LAP3: variants seen among roughly 807,000 people sequenced by gnomAD.
The protein encoded by LAP3 is cytosol aminopeptidase.
LAP3 carries 46 observed loss-of-function variants against 58.8 expected under a neutral mutation model. The observed-to-expected ratio is 0.78, with a 90% CI of 0.62 to 1.00. The LOEUF (loss-of-function observed/expected upper bound fraction) is 1.00. Ranked by LOEUF, LAP3 falls within the 50% of genes least tolerant of loss-of-function variation. The pLI is 0.00. For missense variants in LAP3, 615 were observed against 659.1 expected (o/e 0.93, Z 0.73); for synonymous variants, 257 against 237.7 (o/e 1.08, Z -0.75).
intron 9 of LAP3, among the ~76,000 whole-genome samples, chr4:17,597,388 C>T (rs1475831375): frequency 6.6e-6 from 1 of 152,178 alleles, no homozygotes; most frequent in Non-Finnish European, 1.5e-5. Context: ...GTGGTCCTCA[C>T]ACCTTAGCGA....
At chr4:17,590,499 C>T (rs1172151336) in intron 7 of LAP3, among the ~76,000 whole-genome samples, 1 of 152,184 alleles carries the variant, frequency 6.6e-6, no homozygotes, top group Non-Finnish European at 1.5e-5. Flanking sequence ...ATCTTGAGTG[C>T]ATCCCTTTGA....
In LAP3 at chr4:17,598,529, A is replaced by C. The variant is rs928855664; in HGVS notation, c.1151A>C (p.Lys384Thr). The change falls in exon 10 of 13, where the codon AAG becomes ACG. Residue 384 changes from lysine (K) to threonine (T), a missense_variant. Lys to Thr is a moderately conservative substitution (Grantham distance 78). Coordinates refer to ENST00000226299, the MANE Select transcript of LAP3 (RefSeq NM_015907.3). ...TGTTACGCACACACGTTTAACCCGA[A>C]GGTCATCCTCAATGCCGCCACCTTA... Reference protein sequence around the residue: ...ALCYAHTFNPKVILNAATLTG... With the variant: ...ALCYAHTFNPTVILNAATLTG... 1.4e-5 allele frequency: 23 copies of C among 1,613,960 alleles called. No homozygotes were observed. The highest frequency in any genetic ancestry group is 2.2e-5 in the East Asian group (1 of 44,904).
Position 17,577,462 on chromosome 4 carries a change from C to A in LAP3, c.-4C>A. 6 of 1,568,240 alleles carry A rather than the reference C, an allele frequency of 3.8e-6. No individual in the cohort carries two copies. Among genetic ancestry groups the A allele is most frequent in the Non-Finnish European group, 5.2e-6 (6 of 1,158,700 alleles). On this transcript the variant is annotated 5_prime_UTR_variant, in exon 1 of 13. Transcript: ENST00000226299. ...AGGGCGGTGCGAGGGGCCGAGCCGA[C>A]AAGATGTTCTTGCTGCCTCTTCCGG...
chr4:17,605,314 C>T (rs904684112), intron 11 of LAP3, among the ~76,000 whole-genome samples: 3 of 152,182 alleles, frequency 2.0e-5, no homozygotes, highest in Non-Finnish European at 2.9e-5. Flanking sequence ...TGTCTCCTGA[C>T]GTGTTTGTTC....
chr4:17,602,902 G>A (rs573273942), intron 10 of LAP3, among the ~76,000 whole-genome samples: 3 of 151,760 alleles, frequency 2.0e-5, no homozygotes, highest in Non-Finnish European at 2.9e-5. Context: ...GGCTGGTCTC[G>A]AACTCCTGAC....
chr4:17,596,221 G>C (rs1169000189), intron 8 of LAP3, among the ~76,000 whole-genome samples: 1 of 152,036 alleles, frequency 6.6e-6, no homozygotes, highest in Admixed American at 6.6e-5. Context: ...CTAAGAAAAA[G>C]GACATTCTAT....
At chr4:17,595,059 G>A (rs965238793) in intron 7 of LAP3, among the ~76,000 whole-genome samples, 4 of 151,882 alleles carry the variant, frequency 2.6e-5, no homozygotes, top group Non-Finnish European at 4.4e-5. Context: ...AGCACTTTGG[G>A]AGGCCGAGGC....
chr4:17,580,182 G>GTGTATATATATATATATATATATATATA (rs1230041457), intron 2 of LAP3, among the ~76,000 whole-genome samples: 3 of 31,014 alleles, frequency 9.7e-5, no homozygotes, highest in Admixed American at 3.9e-4. Flanking sequence ...ATATATATAT[G>GTGTATATATATATATATATATATATATA]TATTTTTTTT....
At chr4:17,595,827 T>C (rs913670107) in intron 8 of LAP3, among the ~76,000 whole-genome samples, 1 of 152,104 alleles carries the variant, frequency 6.6e-6, no homozygotes, top group African/African-American at 2.4e-5. Context: ...TTATGAAACT[T>C]GCTGGGTACT....
At position 17,588,946 on chromosome 4, in the gene LAP3, GTGTT is replaced by G; in HGVS notation, c.837_840del (p.Phe279LeufsTer23). 1 of 1,614,082 alleles carries G rather than the reference GTGTT, an allele frequency of 6.2e-7. No homozygotes were observed. Among genetic ancestry groups the G allele is most frequent in the South Asian group, 1.1e-5 (1 of 91,082 alleles). ...CCCCAATGCAAACGAACCACCCCTG[GTGTT>G]TGTTGGGAAAGGAATTACCTTTGAC... On this transcript the variant is annotated frameshift_variant, in exon 7 of 13. Coordinates refer to ENST00000226299, the MANE Select transcript of LAP3 (RefSeq NM_015907.3). LOFTEE classifies it high-confidence loss of function.
At chr4:17,587,802 C>G (rs1265471556) in intron 6 of LAP3, 1 of 152,152 alleles carries the variant, frequency 6.6e-6, no homozygotes, top group Non-Finnish European at 1.5e-5. Flanking sequence ...CTTAAAGATG[C>G]CTCAAGCAAC....
intron 10 of LAP3, among the ~76,000 whole-genome samples, chr4:17,601,009 GCAGGCCGTACCC>G (rs765645879): frequency 2.6e-5 from 4 of 152,184 alleles, no homozygotes; most frequent in Admixed American, 6.5e-5. Flanking sequence ...CCTTTGAAAG[GCAGGCCGTACCC>G]CAGATTGTAG....
Position 17,577,445 on chromosome 4 carries a change from G to T in LAP3, c.-21G>T. On this transcript the variant is annotated 5_prime_UTR_variant, in exon 1 of 13. Coordinates refer to ENST00000226299, the MANE Select transcript of LAP3 (RefSeq NM_015907.3). Reference sequence around the variant, plus strand: ...CTCCACGTGCTCGCTGGAGGGCGGTGCGAGGGGCCGAGCCGACAAGATGTT... The same window carrying T: ...CTCCACGTGCTCGCTGGAGGGCGGTTCGAGGGGCCGAGCCGACAAGATGTT... The T allele has an allele frequency of 6.5e-7, 1 of 1,532,774 alleles. No homozygotes were observed. Among genetic ancestry groups the T allele is most frequent in the Non-Finnish European group, 8.8e-7 (1 of 1,138,296 alleles). The allele number at this position is 1,532,774 out of a possible 1,614,324, so 94.9% of individuals were successfully genotyped here.
intron 12 of LAP3, 50 bp downstream of exon 12, chr4:17,606,988 A>T: frequency 4.9e-6 from 6 of 1,214,620 alleles, no homozygotes; most frequent in Non-Finnish European, 6.0e-6. Flanking sequence ...CTTGATTGCC[A>T]AAATAGCTAT....
At chr4:17,594,378 T>A (rs1713776694) in intron 7 of LAP3, among the ~76,000 whole-genome samples, 1 of 152,206 alleles carries the variant, frequency 6.6e-6, no homozygotes, top group African/African-American at 2.4e-5. Context: ...ACCATCTAAG[T>A]AACAAGTGCT....
At chr4:17,577,606 C>T (rs1713243357) in intron 1 of LAP3, 39 bp downstream of exon 1, 2 of 1,473,644 alleles carry the variant, frequency 1.4e-6, no homozygotes, top group Non-Finnish European at 1.8e-6. Context: ...GCCGCTGGGG[C>T]CCTGCCCGTG....
At chr4:17,602,348 C>T (rs562082345) in intron 10 of LAP3, among the ~76,000 whole-genome samples, 36 of 152,302 alleles carry the variant, frequency 2.4e-4, no homozygotes, top group Non-Finnish European at 3.5e-4. Context: ...TTACTAGGAG[C>T]TCATACCACA....
chr4:17,581,912 A>C, intron 3 of LAP3, 98 bp downstream of exon 3: 1 of 996,026 alleles, frequency 1.0e-6, no homozygotes, highest in South Asian at 1.4e-5. Flanking sequence ...TATGTGTTGG[A>C]TTGTATGATT....
At chr4:17,607,371 T>G in intron 12 of LAP3, 29 bp from the exon 13 acceptor site, 1 of 1,597,376 alleles carries the variant, frequency 6.3e-7, no homozygotes, top group Non-Finnish European at 8.5e-7. Flanking sequence ...TACATGGGGT[T>G]GTAAAGTGCT....
Sources: allele counts gnomAD v4.1 joint callset (sites outside exome capture counted in the v4.1 genomes callset), GRCh38; gene constraint gnomAD v4.1.1; transcripts MANE v1.5; gene names NCBI Gene and HGNC (gene_info 2026-07-23, HGNC 2026-07-21).